The following LMO7 variants were observed in gnomAD, a reference collection of about 807,000 sequenced individuals.
The protein encoded by LMO7 is LIM domain 7, also known as LIM domain only protein 7.
Under a neutral mutation model 206.5 loss-of-function variants are expected in LMO7, and 120 were observed. The ratio of observed to expected loss-of-function variants is 0.58; its 90% confidence interval spans 0.50 to 0.68. LMO7 has a LOEUF of 0.68. Ranked by LOEUF, LMO7 falls within the 30% of genes least tolerant of loss-of-function variation. The pLI is 0.00. For missense variants in LMO7, 1,959 were observed against 1,957.9 expected (o/e 1.00, Z -0.01); for synonymous variants, 706 against 681.5 (o/e 1.04, Z -0.56).
At chr13:75,838,390 T>C (rs1046914348) in intron 20 of LMO7, 194 bp downstream of exon 20, 1 of 1,476,070 alleles carries the variant, frequency 6.8e-7, no homozygotes, top group Admixed American at 2.0e-5. Flanking sequence ...ACCTCTGTGG[T>C]AATGGGTCTT....
chr13:75,761,676 C>T (rs1239174381), intron 4 of LMO7, among the ~76,000 whole-genome samples: 1 of 151,990 alleles, frequency 6.6e-6, no homozygotes, highest in Non-Finnish European at 1.5e-5. Context: ...TATACAGTTT[C>T]AGGAAATCTG....
At chr13:75,687,766 G>A (rs919633454) in intron 1 of LMO7, among the ~76,000 whole-genome samples, 2 of 152,136 alleles carry the variant, frequency 1.3e-5, no homozygotes, top group African/African-American at 4.8e-5. Flanking sequence ...CATCAGCTGA[G>A]ATAGACTCTC....
At chr13:75,746,021 TAGTCC>T (rs1863234416) in intron 3 of LMO7, among the ~76,000 whole-genome samples, 1 of 152,128 alleles carries the variant, frequency 6.6e-6, no homozygotes, top group Non-Finnish European at 1.5e-5. Context: ...ACAAAAGCAG[TAGTCC>T]AGGCAAGAGG....
intron 8 of LMO7, chr13:75,804,743 T>A: frequency 2.0e-6 from 2 of 1,011,818 alleles, no homozygotes; most frequent in South Asian, 2.4e-5. Context: ...AGCATATGAT[T>A]TGCTAGGTCT....
intron 2 of LMO7, among the ~76,000 whole-genome samples, chr13:75,717,093 G>C (rs1206466418): frequency 3.3e-5 from 5 of 151,968 alleles, no homozygotes; most frequent in Non-Finnish European, 7.4e-5. Context: ...GCCGGGCGCG[G>C]TGGCTCACGC....
At chr13:75,744,728 G>T (rs554672505) in intron 3 of LMO7, among the ~76,000 whole-genome samples, 15 of 152,146 alleles carry the variant, frequency 9.9e-5, no homozygotes, top group Non-Finnish European at 2.1e-4. Flanking sequence ...ACTATGTGTC[G>T]GGCACTGTTT....
At chr13:75,823,929 C>A in intron 15 of LMO7, 56 bp downstream of exon 15, 4 of 1,424,252 alleles carry the variant, frequency 2.8e-6, no homozygotes, top group South Asian at 1.2e-5. Flanking sequence ...ACATTTAAAT[C>A]TGGAAACCAT....
intron 8 of LMO7, 188 bp from the exon 9 acceptor site, chr13:75,805,291 G>A: frequency 1.1e-6 from 1 of 947,972 alleles, no homozygotes; most frequent in Non-Finnish European, 1.5e-6. Flanking sequence ...TGTGTATCTA[G>A]CTATCCTTGA....
At position 75,824,204 on chromosome 13, in the gene LMO7, TC is replaced by T. The variant is rs2057890611; in HGVS notation, c.2949+332del. ...TAGTCCCAGGTTTCAGGTACAGCAG[TC>T]ACTTTAAAGGTTTTACATGCAGATC... On this transcript the variant is annotated intron_variant, in intron 15 of 30. Transcript: ENST00000377534. Among the ~76,000 whole-genome samples, 15 of 152,268 alleles carry T rather than the reference TC, an allele frequency of 9.9e-5. No homozygotes were observed. The South Asian group carries it at 3.1e-3, about 32-fold the overall frequency.
intron 12 of LMO7, among the ~76,000 whole-genome samples, chr13:75,817,873 A>G (rs1344718720): frequency 1.3e-5 from 2 of 152,172 alleles, no homozygotes; most frequent in Non-Finnish European, 2.9e-5. Flanking sequence ...GATCCTGAAG[A>G]AAAAAGCTTG....
At chr13:75,710,751 C>G (rs1181489266) in intron 1 of LMO7, among the ~76,000 whole-genome samples, 1 of 152,020 alleles carries the variant, frequency 6.6e-6, no homozygotes, top group African/African-American at 2.4e-5. Context: ...CAAACAGGGA[C>G]AATTTGACTT....
At chr13:75,694,666 TATC>T (rs1179736748) in intron 1 of LMO7, among the ~76,000 whole-genome samples, 3 of 152,070 alleles carry the variant, frequency 2.0e-5, no homozygotes, top group Non-Finnish European at 4.4e-5. Context: ...AGAATGTCGG[TATC>T]ATGGTTTCAA....
At chr13:75,826,131 C>T (rs2058092250) in intron 15 of LMO7, among the ~76,000 whole-genome samples, 1 of 152,056 alleles carries the variant, frequency 6.6e-6, no homozygotes, top group Admixed American at 6.6e-5. Context: ...GCCTCAACCT[C>T]CTGGACTGAA....
At chr13:75,836,317 A>G (rs1276881908) in intron 18 of LMO7, 80 bp from the exon 19 acceptor site, 7 of 719,250 alleles carry the variant, frequency 9.7e-6, no homozygotes, top group African/African-American at 1.9e-5. Context: ...TAAAATATAT[A>G]TTTCACTAAT....
At chr13:75,735,612 G>T (rs542242471) in intron 3 of LMO7, among the ~76,000 whole-genome samples, 118 of 151,296 alleles carry the variant, frequency 7.8e-4, no homozygotes, top group African/African-American at 2.8e-3. Context: ...CAGGCGCGCG[G>T]CACCACACGC....
intron 1 of LMO7, among the ~76,000 whole-genome samples, chr13:75,673,023 C>A (rs949749452): frequency 1.3e-5 from 2 of 152,032 alleles, no homozygotes; most frequent in African/African-American, 2.4e-5. Flanking sequence ...TTTTGTATTA[C>A]AAAAATTTTT....
At chr13:75,734,575 A>T (rs567143194) in intron 3 of LMO7, among the ~76,000 whole-genome samples, 2 of 152,356 alleles carry the variant, frequency 1.3e-5, no homozygotes, top group East Asian at 3.9e-4. Flanking sequence ...TGCACAAGTT[A>T]TGAAAATGTC....
intron 4 of LMO7, among the ~76,000 whole-genome samples, chr13:75,788,519 A>G (rs1428562834): frequency 1.3e-5 from 2 of 150,784 alleles, no homozygotes; most frequent in African/African-American, 2.4e-5. Context: ...AATTTTCCCT[A>G]CTGTCTCCCA....
intron 20 of LMO7, among the ~76,000 whole-genome samples, chr13:75,839,521 G>A (rs1451641424): frequency 6.6e-6 from 1 of 152,156 alleles, no homozygotes; most frequent in African/African-American, 2.4e-5. Context: ...GTACCCATAA[G>A]TTTACATATG....
Sources: allele counts gnomAD v4.1 joint callset (sites outside exome capture counted in the v4.1 genomes callset), GRCh38; gene constraint gnomAD v4.1.1; transcripts MANE v1.5; gene names NCBI Gene and HGNC (gene_info 2026-07-23, HGNC 2026-07-21).